GPR132: variants seen among roughly 807,000 people sequenced by gnomAD.
GPR132 encodes G protein-coupled receptor 132.
In GPR132, 4 loss-of-function variants were observed where a neutral mutation model predicts 1.9. The observed-to-expected ratio is 2.13, with a 90% CI of 1.05 to 4.87. The LOEUF is 4.87. Ranked by LOEUF, GPR132 falls within the 30% of genes most tolerant of loss-of-function variation. GPR132 has a pLI of 0.01. For missense variants in GPR132, 404 were observed against 512.5 expected (o/e 0.79, Z 2.04); for synonymous variants, 233 against 234.2 (o/e 0.99, Z 0.05).
At chr14:105,063,558 G>T (rs1249998412) in intron 1 of GPR132, among the ~76,000 whole-genome samples, 2 of 151,662 alleles carry the variant, frequency 1.3e-5, no homozygotes, top group African/African-American at 4.8e-5. Context: ...TGTATTTTTA[G>T]TAGAGAAGGG....
chr14:105,063,243 G>A (rs1886996715), intron 1 of GPR132, among the ~76,000 whole-genome samples: 1 of 151,834 alleles, frequency 6.6e-6, no homozygotes, highest in Admixed American at 6.6e-5. Flanking sequence ...TTCCAGATTA[G>A]AGAAGCACCA....
chr14:105,061,719 T>C (rs1886947535), intron 1 of GPR132, among the ~76,000 whole-genome samples: 1 of 151,922 alleles, frequency 6.6e-6, no homozygotes, highest in African/African-American at 2.4e-5. Flanking sequence ...GTTGTTCCAC[T>C]CAGGAAGCAG....
rs748142158 is a variant in GPR132, at chr14:105,052,020, T to C, written c.117A>G (p.Glu39=). The C allele has an allele frequency of 1.2e-6, 2 of 1,610,566 alleles. No individual in the cohort carries two copies. The highest frequency in any genetic ancestry group is 2.2e-5 in the East Asian group (1 of 44,840). Residue 39 remains glutamate, a synonymous_variant, in exon 4 of 4, where the codon GAA becomes GAG. Transcript: ENST00000329797. ...CCACGACCAGGACTATCCTGCTCTC[T>C]TCGAAGGACACGTTGTTGCAGGTCT... ...SAKTCNNVSF[E]ESRIVLVVVY...
Position 105,055,386 on chromosome 14 carries a change from C to A in GPR132, c.34+1G>T, listed in dbSNP as rs886258139. ...CAAAATACACATAACAAGGAATTTACCATTGTAACCGTTTTTCAGTAGCAT... is the reference window on the plus strand; with the variant it reads ...CAAAATACACATAACAAGGAATTTAACATTGTAACCGTTTTTCAGTAGCAT... On this transcript the variant is annotated splice_donor_variant, in intron 3 of 3. Coordinates refer to ENST00000329797, the MANE Select transcript of GPR132 (RefSeq NM_013345.4). LOFTEE classifies it high-confidence loss of function. The surrounding 1 kb of genome is among the most constrained non-coding windows in gnomAD (Gnocchi z 4.7). 2.9e-5 allele frequency: 23 copies of A among 780,868 alleles called. No homozygotes were observed. Among genetic ancestry groups the A allele is most frequent in the Admixed American group, 2.9e-4 (17 of 58,992 alleles). The allele number at this position is 780,868 out of a possible 1,614,324, so 48.4% of individuals were successfully genotyped here. A position where few individuals can be genotyped will look rare whatever the true frequency, so the allele number is the denominator to read the frequency against.
Position 105,055,199 on chromosome 14 carries a change from C to CT in GPR132, c.34+187_34+188insA, listed in dbSNP as rs1468045618. On this transcript the variant is annotated intron_variant, in intron 3 of 3. Coordinates refer to ENST00000329797, the MANE Select transcript of GPR132 (RefSeq NM_013345.4). This position sits in a 1 kb window ranked among gnomAD's most constrained non-coding sequence, Gnocchi z 4.7. ...ACAAATATTAGCCAGGCGTGGTGGG[C>CT]ACCTGTAATCCCAGCTACTTGGGAG... 1.5e-4 allele frequency among the ~76,000 whole-genome samples: 23 copies of CT among 151,616 alleles called. No individual in the cohort carries two copies. Among genetic ancestry groups the CT allele is most frequent in the Admixed American group, 9.9e-4 (15 of 15,214 alleles).
At chr14:105,052,516 G>A (rs1293887849) in intron 3 of GPR132, among the ~76,000 whole-genome samples, 2 of 151,614 alleles carry the variant, frequency 1.3e-5, no homozygotes, top group Admixed American at 6.6e-5. Context: ...TAGTAGAGAC[G>A]GGGTTTCACC....
Position 105,055,271 on chromosome 14 carries a change from G to T in GPR132, c.34+116C>A. ...GAACCTGGGAGGCAGAAGCTGCAGT[G>T]AGCCGAGATTGTGCCACTGCACTCC... is the stretch of plus-strand genomic sequence containing the variant. On this transcript the variant is annotated intron_variant, in intron 3 of 3. Coordinates refer to ENST00000329797, the MANE Select transcript of GPR132 (RefSeq NM_013345.4). The surrounding 1 kb of genome is among the most constrained non-coding windows in gnomAD (Gnocchi z 4.7). The T allele has an allele frequency of 1.3e-6, 1 of 752,492 alleles. No homozygotes were observed. The highest frequency in any genetic ancestry group is 1.4e-5 in the South Asian group (1 of 72,142). The allele number at this position is 752,492 out of a possible 1,614,324, so 46.6% of individuals were successfully genotyped here.
rs763002172 is a variant in GPR132, at chr14:105,051,830, G to A, written c.307C>T (p.Arg103Cys). The change falls in exon 4 of 4, where the codon CGC becomes TGC. Residue 103 changes from arginine to cysteine, a missense_variant. Coordinates refer to ENST00000329797, the MANE Select transcript of GPR132 (RefSeq NM_013345.4). The surrounding 1 kb of genome is among the most constrained non-coding windows in gnomAD (Gnocchi z 8.0). ...GTLPLWVIYI[R>C]NQHRWTLGLL... is the part of the protein sequence containing the mutation. ...CCTAGGGTCCAGCGGTGCTGGTTGC[G>A]GATATAGATGACCCAGAGTGGCAGC... 6.8e-6 allele frequency: 11 copies of A among 1,614,002 alleles called. No individual in the cohort carries two copies. Among genetic ancestry groups the A allele is most frequent in the African/African-American group, 2.7e-5 (2 of 74,938 alleles).
intron 3 of GPR132, among the ~76,000 whole-genome samples, chr14:105,052,829 C>T (rs1004240715): frequency 4.6e-5 from 7 of 151,494 alleles, no homozygotes; most frequent in Admixed American, 2.0e-4. Flanking sequence ...CGTGCTGGCT[C>T]GCACCTGTAA....
In GPR132 at chr14:105,051,244, G is replaced by A. The variant is rs779172413; in HGVS notation, c.893C>T (p.Thr298Met). 2.9e-5 allele frequency: 47 copies of A among 1,613,508 alleles called. No homozygotes were observed. Among genetic ancestry groups the A allele is most frequent in the Admixed American group, 5.0e-5 (3 of 60,014 alleles). ...AATGGGGTCAGCCACGCCGTTCACCGTGGACAGGCACAGAAACACCACAGA... is the reference window on the plus strand; with the variant it reads ...AATGGGGTCAGCCACGCCGTTCACCATGGACAGGCACAGAAACACCACAGA... ...TASVVFLCLS[T>M]VNGVADPIIY... is the part of the protein sequence containing the mutation. The change falls in exon 4 of 4, where the codon ACG becomes ATG. Residue 298 changes from threonine to methionine, a missense_variant. Coordinates refer to ENST00000329797, the MANE Select transcript of GPR132 (RefSeq NM_013345.4). The surrounding 1 kb of genome is among the most constrained non-coding windows in gnomAD (Gnocchi z 8.0).
intron 1 of GPR132, among the ~76,000 whole-genome samples, chr14:105,061,875 T>C (rs7152235): frequency 0.59 from 90,147 of 152,042 alleles, 28,298 homozygotes; most frequent in Non-Finnish European, 0.71. Context: ...GTGGGAAAGG[T>C]CCCCGGTGCA....
In GPR132 at chr14:105,051,099, C is replaced by G. The variant is rs1274044926; in HGVS notation, c.1038G>C (p.Glu346Asp). The G allele has an allele frequency of 3.1e-6, 5 of 1,614,180 alleles. No individual in the cohort carries two copies. In the African/African-American group the frequency reaches 4.0e-5, roughly 13 times the overall value. ...TRLTHSRDTE[E>D]LQSPVALADH... is the part of the protein sequence containing the mutation. ...CTGCAAGGGCCACGGGCGACTGCAG[C>G]TCCTCGGTGTCCCTGCTGTGGGTGA... Residue 346 changes from glutamate (E) to aspartate (D), a missense_variant, in exon 4 of 4, where the codon GAG becomes GAC. Coordinates refer to ENST00000329797, the MANE Select transcript of GPR132 (RefSeq NM_013345.4). This position sits in a 1 kb window ranked among gnomAD's most constrained non-coding sequence, Gnocchi z 8.0.
Position 105,051,167 on chromosome 14 carries a change from T to A in GPR132, c.970A>T (p.Lys324Ter). 1 of 1,614,106 alleles carries A rather than the reference T, an allele frequency of 6.2e-7. No individual in the cohort carries two copies. The highest frequency in any genetic ancestry group is 8.5e-7 in the Non-Finnish European group (1 of 1,179,996). ...HSRQEVSRIHKGWKEWSMKTD... is the reference protein window; with the variant it reads ...HSRQEVSRIH ...TTCATGGACCACTCTTTCCACCCCT[T>A]ATGGATTCTGGACACTTCTTGGCGG... The change falls in exon 4 of 4, where the codon AAG (lysine) becomes TAG (stop). Residue 324 changes from lysine to a stop codon, truncating the protein, a stop_gained. Coordinates refer to ENST00000329797, the MANE Select transcript of GPR132 (RefSeq NM_013345.4). LOFTEE classifies it low-confidence loss of function (END_TRUNC). The surrounding 1 kb of genome is among the most constrained non-coding windows in gnomAD (Gnocchi z 8.0).
At position 105,050,926 on chromosome 14, in the gene GPR132, C is replaced by A; in HGVS notation, c.*68G>T. On this transcript the variant is annotated 3_prime_UTR_variant, in exon 4 of 4. Transcript: ENST00000329797. This position sits in a 1 kb window ranked among gnomAD's most constrained non-coding sequence, Gnocchi z 4.0. ...ACATGGGCACTGTGGCTGGTGGGCT[C>A]AGTGCACAGGAACCACATTGCTGGC... The A allele has an allele frequency of 7.0e-7, 1 of 1,431,318 alleles. No homozygotes were observed. The highest frequency in any genetic ancestry group is 1.2e-5 in the South Asian group (1 of 80,910). The allele number at this position is 1,431,318 out of a possible 1,614,324, so 88.7% of individuals were successfully genotyped here.
chr14:105,063,599 A>T (rs942991680), intron 1 of GPR132, among the ~76,000 whole-genome samples: 1 of 146,374 alleles, frequency 6.8e-6, no homozygotes, highest in African/African-American at 2.5e-5. Context: ...CTGGTCTTGA[A>T]CTCCTGACCT....
At position 105,058,733 on chromosome 14, in the gene GPR132, T is replaced by C. The variant is rs555017081; in HGVS notation, c.-860-1453A>G. Among the ~76,000 whole-genome samples, 5 of 152,320 alleles carry C rather than the reference T, an allele frequency of 3.3e-5. No individual in the cohort carries two copies. The East Asian group carries it at 9.6e-4, about 29-fold the overall frequency. On this transcript the variant is annotated intron_variant, in intron 1 of 3. Transcript: ENST00000329797. Reference sequence around the variant, plus strand: ...AGGGGCCCGGAGGAGGGAGGCATGATGGGCGGGCAGCAGATGGCTCAGGGC... The same window carrying C: ...AGGGGCCCGGAGGAGGGAGGCATGACGGGCGGGCAGCAGATGGCTCAGGGC...
chr14:105,054,064 C>A, intron 3 of GPR132: 2 of 1,288,468 alleles, frequency 1.6e-6, no homozygotes, highest in Non-Finnish European at 2.0e-6. Flanking sequence ...TCCTGGCTGC[C>A]CACTCTGGCT....
At chr14:105,053,983 T>G (rs750263944) in intron 3 of GPR132, 1 of 1,238,824 alleles carries the variant, frequency 8.1e-7, no homozygotes, top group Non-Finnish European at 1.0e-6. Context: ...AGCCAGGGGG[T>G]TGCTAGAGGT....
Position 105,051,643 on chromosome 14 carries a change from C to T in GPR132, c.494G>A (p.Cys165Tyr). 4 of 1,614,002 alleles carry T rather than the reference C, an allele frequency of 2.5e-6. No homozygotes were observed. The highest frequency in any genetic ancestry group is 3.4e-6 in the Non-Finnish European group (4 of 1,180,042). The change falls in exon 4 of 4, where the codon TGC becomes TAC. Residue 165 changes from cysteine (C) to tyrosine (Y), a missense_variant. Coordinates refer to ENST00000329797, the MANE Select transcript of GPR132 (RefSeq NM_013345.4). The surrounding 1 kb of genome is among the most constrained non-coding windows in gnomAD (Gnocchi z 8.0). ...RRRTAILISACIFILVGIVHY... is the reference protein window; with the variant it reads ...RRRTAILISAYIFILVGIVHY... ...AACGATCCCGACGAGGATGAAGATG[C>T]AGGCGGAGATGAGGATGGCGGTCCT... is the stretch of plus-strand genomic sequence containing the variant.
Sources: allele counts gnomAD v4.1 joint callset (sites outside exome capture counted in the v4.1 genomes callset), GRCh38; gene constraint gnomAD v4.1.1; non-coding constraint Gnocchi (gnomAD v3.1); transcripts MANE v1.5; gene names NCBI Gene and HGNC (gene_info 2026-07-23, HGNC 2026-07-21).